ESRRG: variants seen among roughly 807,000 people sequenced by gnomAD.
ESRRG encodes estrogen related receptor gamma, also known as estrogen-related receptor gamma.
In ESRRG, 13 loss-of-function variants were observed where a neutral mutation model predicts 44.0. The ratio of observed to expected loss-of-function variants is 0.30; its 90% confidence interval spans 0.19 to 0.47. The LOEUF is 0.47. Among genes scored for constraint, ESRRG ranks in the 20% least tolerant of loss-of-function variants. ESRRG has a pLI of 1.00. For missense variants in ESRRG, 395 were observed against 580.6 expected (o/e 0.68, Z 3.29); for synonymous variants, 215 against 214.6 (o/e 1.00, Z -0.02).
intron 1 of ESRRG, among the ~76,000 whole-genome samples, chr1:216,976,302 G>A (rs2150344125): frequency 6.6e-6 from 1 of 151,562 alleles, no homozygotes; most frequent in South Asian, 2.1e-4. Flanking sequence ...GTGTGTGTGT[G>A]TGTGTGTGTG....
At chr1:216,934,083 CTT>C (rs1560168291) in intron 2 of ESRRG, among the ~76,000 whole-genome samples, 1 of 152,294 alleles carries the variant, frequency 6.6e-6, no homozygotes, top group East Asian at 1.9e-4. Flanking sequence ...TCTCCCAACT[CTT>C]TCTCCCAAAG....
At chr1:216,553,174 G>A (rs908521651) in intron 5 of ESRRG, among the ~76,000 whole-genome samples, 2 of 151,878 alleles carry the variant, frequency 1.3e-5, no homozygotes, top group African/African-American at 2.4e-5. Context: ...ACTCACAGCT[G>A]CTCCTTCTCC....
At chr1:216,552,498 A>G (rs550948698) in intron 5 of ESRRG, among the ~76,000 whole-genome samples, 1 of 152,314 alleles carries the variant, frequency 6.6e-6, no homozygotes, top group South Asian at 2.1e-4. Context: ...AACACTTGAA[A>G]TTATATGTCA....
intron 2 of ESRRG, among the ~76,000 whole-genome samples, chr1:216,797,051 C>G (rs1352814128): frequency 6.6e-6 from 1 of 151,934 alleles, no homozygotes; most frequent in African/African-American, 2.4e-5. Context: ...GCTGTCACAC[C>G]TGGCTAATTT....
At chr1:216,953,647 G>A (rs909695200) in intron 1 of ESRRG, among the ~76,000 whole-genome samples, 2 of 151,894 alleles carry the variant, frequency 1.3e-5, no homozygotes, top group African/African-American at 4.8e-5. Flanking sequence ...TACTTCACAT[G>A]TACTTCTGAC....
chr1:216,842,449 C>T (rs2095667382), intron 2 of ESRRG, among the ~76,000 whole-genome samples: 1 of 152,176 alleles, frequency 6.6e-6, no homozygotes, highest in Non-Finnish European at 1.5e-5. Context: ...AGAAAGGGAA[C>T]ACCCAGATGC....
At chr1:216,855,563 AATGTAAAG>A (rs2095917706) in intron 2 of ESRRG, among the ~76,000 whole-genome samples, 1 of 152,184 alleles carries the variant, frequency 6.6e-6, no homozygotes, top group South Asian at 2.1e-4. Flanking sequence ...TTTTGAATTT[AATGTAAAG>A]ATGATACTGT....
At chr1:217,081,684 T>A (rs928473950) in intron 1 of ESRRG, among the ~76,000 whole-genome samples, 1 of 152,150 alleles carries the variant, frequency 6.6e-6, no homozygotes, top group Non-Finnish European at 1.5e-5. Flanking sequence ...CCTCAAATAA[T>A]CATCAAGCCT....
chr1:216,868,641 T>C (rs2096211704), intron 2 of ESRRG, among the ~76,000 whole-genome samples: 1 of 152,210 alleles, frequency 6.6e-6, no homozygotes, highest in South Asian at 2.1e-4. Flanking sequence ...TAAAAAGGGC[T>C]GAATTCTTTT....
At chr1:216,784,260 A>T (rs10495035) in intron 2 of ESRRG, among the ~76,000 whole-genome samples, 9,985 of 152,060 alleles carry the variant, frequency 0.066, 387 homozygotes, top group Middle Eastern at 0.14. Flanking sequence ...TAAAGTGTTT[A>T]AAATATCCAC....
intron 2 of ESRRG, among the ~76,000 whole-genome samples, chr1:216,868,971 T>C (rs2096217610): frequency 6.6e-6 from 1 of 152,190 alleles, no homozygotes; most frequent in South Asian, 2.1e-4. Context: ...TTATGAGAGC[T>C]TTGTCGGCTA....
At chr1:216,645,392 G>A (rs1290145237) in intron 3 of ESRRG, among the ~76,000 whole-genome samples, 1 of 151,092 alleles carries the variant, frequency 6.6e-6, no homozygotes, top group Non-Finnish European at 1.5e-5. Flanking sequence ...GTCATATATT[G>A]GAATAATGTT....
At chr1:216,516,662 C>CAG (rs1374230420) in intron 6 of ESRRG, among the ~76,000 whole-genome samples, 395 of 126,426 alleles carry the variant, frequency 3.1e-3, no homozygotes, top group African/African-American at 0.014. Context: ...CACACACACA[C>CAG]ACACACAGAG....
intron 5 of ESRRG, among the ~76,000 whole-genome samples, chr1:216,560,693 C>A (rs1395115864): frequency 6.6e-6 from 1 of 152,134 alleles, no homozygotes; most frequent in Non-Finnish European, 1.5e-5. Context: ...TACTTGGCAA[C>A]CCATTCGAAA....
chr1:216,950,614 G>C (rs2066794216), intron 1 of ESRRG, among the ~76,000 whole-genome samples: 1 of 152,130 alleles, frequency 6.6e-6, no homozygotes, highest in Non-Finnish European at 1.5e-5. Context: ...TCATATCAAA[G>C]TAAAGACCTA....
At chr1:216,981,354 C>T (rs2073937468) in intron 1 of ESRRG, among the ~76,000 whole-genome samples, 1 of 152,118 alleles carries the variant, frequency 6.6e-6, no homozygotes, top group Admixed American at 6.5e-5. Flanking sequence ...TGGAGTCAAA[C>T]AATCTCAGTC....
At chr1:216,985,150 G>A (rs998874175) in intron 1 of ESRRG, among the ~76,000 whole-genome samples, 3 of 152,184 alleles carry the variant, frequency 2.0e-5, no homozygotes, top group African/African-American at 7.2e-5. Context: ...GAGAATCTGT[G>A]AATAACTATG....
intron 1 of ESRRG, among the ~76,000 whole-genome samples, chr1:217,080,868 G>A (rs73101266): frequency 0.19 from 28,093 of 151,520 alleles, 2,812 homozygotes; most frequent in East Asian, 0.31. Context: ...TAGTGGAGAC[G>A]GGGTTTCACC....
chr1:216,733,117 T>G (rs1009000387), intron 2 of ESRRG, among the ~76,000 whole-genome samples: 1 of 152,160 alleles, frequency 6.6e-6, no homozygotes, highest in Non-Finnish European at 1.5e-5. Flanking sequence ...TTACAGTTTT[T>G]CAAAGATTCC....
Sources: gnomAD v4.1 joint callset for allele counts (sites outside exome capture counted in the v4.1 genomes callset) on GRCh38, gnomAD v4.1.1 for gene constraint, MANE v1.5 for transcripts, NCBI Gene and HGNC (gene_info 2026-07-23, HGNC 2026-07-21) for gene names.